The following TMEM132D variants were observed in gnomAD, a reference collection of about 807,000 sequenced individuals.
TMEM132D encodes the protein transmembrane protein 132D, also known as mature OL transmembrane protein.
TMEM132D carries 21 observed loss-of-function variants against 62.3 expected under a neutral mutation model. The observed-to-expected ratio is 0.34, with a 90% CI of 0.24 to 0.49. The LOEUF (loss-of-function observed/expected upper bound fraction) is 0.49, where lower values mean the gene tolerates loss of function less well. Ranked by LOEUF, TMEM132D falls within the 20% of genes least tolerant of loss-of-function variation. TMEM132D has a pLI of 0.99. For missense variants in TMEM132D, 1,346 were observed against 1,402.8 expected (o/e 0.96, Z 0.65); for synonymous variants, 621 against 575.6 (o/e 1.08, Z -1.13).
At chr12:129,747,051 A>G (rs1195774795) in intron 1 of TMEM132D, among the ~76,000 whole-genome samples, 1 of 152,104 alleles carries the variant, frequency 6.6e-6, no homozygotes, top group Non-Finnish European at 1.5e-5. Context: ...GCCAGAGTGA[A>G]TCGTTAAGAG....
chr12:129,093,388 T>A (rs950939797), intron 5 of TMEM132D, among the ~76,000 whole-genome samples: 1 of 151,868 alleles, frequency 6.6e-6, no homozygotes, highest in African/African-American at 2.4e-5. Context: ...TATACACCAA[T>A]AACAGACAAA....
intron 2 of TMEM132D, among the ~76,000 whole-genome samples, chr12:129,584,013 T>C (rs1877949426): frequency 6.6e-6 from 1 of 152,220 alleles, no homozygotes; most frequent in Non-Finnish European, 1.5e-5. Flanking sequence ...TTAATTTTTT[T>C]ATTAGACCTC....
chr12:129,792,344 T>C (rs1819591694), intron 1 of TMEM132D, among the ~76,000 whole-genome samples: 1 of 152,168 alleles, frequency 6.6e-6, no homozygotes, highest in South Asian at 2.1e-4. Flanking sequence ...CTACGGGCCT[T>C]AGCTCTCTCC....
intron 5 of TMEM132D, among the ~76,000 whole-genome samples, chr12:129,104,945 G>A (rs1875439802): frequency 6.8e-6 from 1 of 147,744 alleles, no homozygotes; most frequent in Non-Finnish European, 1.5e-5. Context: ...ACTGTTGGTG[G>A]GACTGTAAAC....
At chr12:129,691,804 A>G (rs905168338) in intron 2 of TMEM132D, among the ~76,000 whole-genome samples, 1 of 152,124 alleles carries the variant, frequency 6.6e-6, no homozygotes, top group African/African-American at 2.4e-5. Context: ...CGCTCAAAAA[A>G]TAATACTAAA....
intron 2 of TMEM132D, among the ~76,000 whole-genome samples, chr12:129,572,876 C>T (rs898292092): frequency 2.6e-5 from 4 of 152,062 alleles, no homozygotes; most frequent in African/African-American, 9.7e-5. Flanking sequence ...TAATTTCTTT[C>T]TAAAATCAGT....
chr12:129,345,008 C>T lies in TMEM132D; in HGVS notation c.1116-7191G>A, dbSNP rs76102923. 9.6e-3 allele frequency among the ~76,000 whole-genome samples: 1,467 copies of T among 152,172 alleles called. 22 individuals carry two copies. The highest frequency in any genetic ancestry group is 0.034 in the African/African-American group (1,404 of 41,514). On this transcript the variant is annotated intron_variant, in intron 3 of 8. Coordinates refer to ENST00000422113, the MANE Select transcript of TMEM132D (RefSeq NM_133448.3). ...AGGATGGAAATCAGGGGACTCTTCC[C>T]TTTGCTTTTTGTTTCATTTCGCACA...
At chr12:129,644,058 T>C (rs961279881) in intron 2 of TMEM132D, among the ~76,000 whole-genome samples, 1 of 152,156 alleles carries the variant, frequency 6.6e-6, no homozygotes, top group Non-Finnish European at 1.5e-5. Flanking sequence ...TTTCACCATG[T>C]TGGCCAGGAT....
In TMEM132D at chr12:129,827,418, C is replaced by T. The variant is rs910400372; in HGVS notation, c.79+75843G>A. ...CTGTAAGCAGCTGAACCAAAACAGG[C>T]TTTCTTCTCCCTTCCATGGTCCTCA... On this transcript the variant is annotated intron_variant, in intron 1 of 8. Transcript: ENST00000422113. This position sits in a 1 kb window ranked among gnomAD's most constrained non-coding sequence, Gnocchi z 9.7. Among the ~76,000 whole-genome samples the T allele has an allele frequency of 1.3e-5, 2 of 152,156 alleles. No homozygotes were observed. The highest frequency in any genetic ancestry group is 1.3e-4 in the Admixed American group (2 of 15,268).
chr12:129,863,200 G>A (rs1231277871), intron 1 of TMEM132D, among the ~76,000 whole-genome samples: 1 of 152,152 alleles, frequency 6.6e-6, no homozygotes, highest in East Asian at 1.9e-4. Context: ...TTAGAGCATT[G>A]TGAAGCCTTT....
intron 4 of TMEM132D, among the ~76,000 whole-genome samples, chr12:129,220,819 A>G (rs971851783): frequency 6.6e-6 from 1 of 152,106 alleles, no homozygotes. Flanking sequence ...TCTTAAAGAC[A>G]GATGTCCAGA....
intron 1 of TMEM132D, among the ~76,000 whole-genome samples, chr12:129,726,014 C>T (rs536166603): frequency 1.2e-3 from 177 of 152,342 alleles, no homozygotes; most frequent in African/African-American, 4.0e-3. Flanking sequence ...AGAGGATATG[C>T]ATGTCACCAG....
intron 1 of TMEM132D, among the ~76,000 whole-genome samples, chr12:129,813,336 A>G (rs1028046404): frequency 6.6e-6 from 1 of 151,714 alleles, no homozygotes; most frequent in Non-Finnish European, 1.5e-5. Flanking sequence ...AAACATAAAT[A>G]AGACCATCCA....
chr12:129,899,234 T>TGGATGGATGGATGGATGCAC (rs1875251976), intron 1 of TMEM132D, among the ~76,000 whole-genome samples: 4 of 137,254 alleles, frequency 2.9e-5, no homozygotes, highest in African/African-American at 1.2e-4. Context: ...GATGGAAGGA[T>TGGATGGATGGATGGATGCAC]GGATGGATGG....
chr12:129,244,358 C>G (rs1317506246), intron 4 of TMEM132D, among the ~76,000 whole-genome samples: 5 of 140,592 alleles, frequency 3.6e-5, no homozygotes, highest in East Asian at 2.2e-4. Flanking sequence ...TGCACTCCAG[C>G]CTGGGCGACA....
chr12:129,082,272 T>TG (rs1223152392), intron 6 of TMEM132D, among the ~76,000 whole-genome samples: 1 of 152,198 alleles, frequency 6.6e-6, no homozygotes, highest in Admixed American at 6.5e-5. Flanking sequence ...CCTCACCTCC[T>TG]GGTGAGGGGT....
intron 4 of TMEM132D, among the ~76,000 whole-genome samples, chr12:129,219,496 A>G (rs1219378246): frequency 6.6e-6 from 1 of 152,214 alleles, no homozygotes; most frequent in Non-Finnish European, 1.5e-5. Flanking sequence ...ACGAGGGCCA[A>G]GAGGGCGTAT....
intron 1 of TMEM132D, among the ~76,000 whole-genome samples, chr12:129,807,877 C>T (rs1872045124): frequency 6.6e-6 from 1 of 152,164 alleles, no homozygotes; most frequent in African/African-American, 2.4e-5. Flanking sequence ...GGCGCCCTGG[C>T]TTAGTATTCA....
chr12:129,296,997 G>T (rs1396014179), intron 4 of TMEM132D, among the ~76,000 whole-genome samples: 1 of 152,212 alleles, frequency 6.6e-6, no homozygotes, highest in Non-Finnish European at 1.5e-5. Flanking sequence ...TCAGTAGTTT[G>T]CTCTGCAGGG....
Sources: allele counts gnomAD v4.1 joint callset (sites outside exome capture counted in the v4.1 genomes callset), GRCh38; gene constraint gnomAD v4.1.1; non-coding constraint Gnocchi (gnomAD v3.1); transcripts MANE v1.5; gene names NCBI Gene and HGNC (gene_info 2026-07-23, HGNC 2026-07-21).